DTHD1: variants seen among roughly 807,000 people sequenced by gnomAD.
DTHD1 encodes death domain-containing protein 1.
DTHD1 carries 59 observed loss-of-function variants against 74.8 expected under a neutral mutation model. The observed-to-expected ratio is 0.79, with a 90% CI of 0.64 to 0.98. The LOEUF is 0.98. Among genes scored for constraint, DTHD1 ranks in the 50% least tolerant of loss-of-function variants. DTHD1 has a pLI of 0.00. For missense variants in DTHD1, 1,051 were observed against 1,065.4 expected (o/e 0.99, Z 0.19); for synonymous variants, 365 against 371.1 (o/e 0.98, Z 0.19).
chr4:36,291,404 C>T (rs752921833), intron 3 of DTHD1, among the ~76,000 whole-genome samples: 15 of 151,994 alleles, frequency 9.9e-5, no homozygotes, highest in Non-Finnish European at 1.0e-4. Flanking sequence ...TGAAGAGAGA[C>T]GGAAGCCTAT....
At chr4:36,283,801 A>C in intron 1 of DTHD1, 175 bp from the exon 2 acceptor site, 1 of 587,770 alleles carries the variant, frequency 1.7e-6, no homozygotes. Context: ...TACAATTGTT[A>C]AAAGAGTGAC....
At chr4:36,315,803 G>A (rs1757677338) in intron 7 of DTHD1, 1 of 152,778 alleles carries the variant, frequency 6.5e-6, no homozygotes, top group South Asian at 2.1e-4. Context: ...TAATCTACAT[G>A]GTCTCTGCCT....
chr4:36,336,061 T>G (rs2109569433), intron 8 of DTHD1, among the ~76,000 whole-genome samples: 1 of 152,334 alleles, frequency 6.6e-6, no homozygotes, highest in East Asian at 1.9e-4. Flanking sequence ...GCTTATATTT[T>G]TATACTGATG....
At chr4:36,305,664 T>C (rs1459094669) in intron 5 of DTHD1, among the ~76,000 whole-genome samples, 1 of 152,200 alleles carries the variant, frequency 6.6e-6, no homozygotes, top group African/African-American at 2.4e-5. Context: ...AATTTGCCCA[T>C]GGTCATACAG....
Position 36,284,004 on chromosome 4 carries a change from A to G in DTHD1, c.300A>G (p.Ile100Met). ...KEIITFIDCL[I>M]KITEHLGSTA... ...TCATTACTTTCATAGACTGCCTCAT[A>G]AAAATAACTGAACATTTGGGGAGCA... Residue 100 changes from isoleucine to methionine, a missense_variant, in exon 2 of 10, where the codon ATA becomes ATG. Transcript: ENST00000639862. 6.5e-7 allele frequency: 1 copy of G among 1,536,604 alleles called. No homozygotes were observed. Among genetic ancestry groups the G allele is most frequent in the South Asian group, 1.2e-5 (1 of 84,022 alleles).
chr4:36,319,620 G>A (rs1211463321), intron 8 of DTHD1, among the ~76,000 whole-genome samples: 1 of 152,220 alleles, frequency 6.6e-6, no homozygotes, highest in Non-Finnish European at 1.5e-5. Flanking sequence ...TGAGATGATG[G>A]CAGACCATGC....
chr4:36,287,573 T>C (rs1312057045), intron 2 of DTHD1, among the ~76,000 whole-genome samples: 1 of 152,230 alleles, frequency 6.6e-6, no homozygotes, highest in Non-Finnish European at 1.5e-5. Context: ...CTGTTTTCCA[T>C]AATGGTTTTA....
chr4:36,308,141 G>T (rs1278920125), intron 6 of DTHD1, 63 bp from the exon 7 acceptor site: 5 of 1,423,872 alleles, frequency 3.5e-6, no homozygotes, highest in Non-Finnish European at 4.7e-6. Context: ...GGTGTTATTA[G>T]ATATCAGTGA....
intron 8 of DTHD1, among the ~76,000 whole-genome samples, chr4:36,336,048 A>C (rs2109569407): frequency 6.6e-6 from 1 of 152,308 alleles, no homozygotes; most frequent in Middle Eastern, 3.4e-3. Context: ...ACATATCTGA[A>C]TTGCTTATAT....
intron 5 of DTHD1, among the ~76,000 whole-genome samples, chr4:36,303,940 TA>T (rs1201689747): frequency 2.6e-5 from 4 of 152,206 alleles, no homozygotes; most frequent in African/African-American, 7.2e-5. Flanking sequence ...AAGTGACACA[TA>T]TTTTTTTTCA....
chr4:36,315,624 AG>A, intron 7 of DTHD1: 1 of 152,412 alleles, frequency 6.6e-6, no homozygotes, highest in South Asian at 2.1e-4. Flanking sequence ...GAAAGGAAAA[AG>A]ATAATTCTCA....
intron 7 of DTHD1, among the ~76,000 whole-genome samples, chr4:36,313,029 G>A (rs67661148): frequency 0.19 from 28,449 of 152,018 alleles, 2,923 homozygotes; most frequent in Admixed American, 0.33. Context: ...CTGAGCCAGT[G>A]GTTCTCACAG....
chr4:36,300,690 A>G (rs974128602), intron 5 of DTHD1, among the ~76,000 whole-genome samples: 2 of 152,194 alleles, frequency 1.3e-5, no homozygotes, highest in Non-Finnish European at 2.9e-5. Flanking sequence ...AATTTATGAT[A>G]TTTTAGAGTC....
rs553148810 is a variant in DTHD1, at chr4:36,281,969, T to G, written c.211T>G (p.Ser71Ala). The G allele has an allele frequency of 1.2e-4, 177 of 1,491,352 alleles. No homozygotes were observed. In the African/African-American group the frequency reaches 1.9e-3, roughly 16 times the overall value. The allele number at this position is 1,491,352 out of a possible 1,614,324, so 92.4% of individuals were successfully genotyped here. ...LLEHTSGTLR[S>A]TCQQLHVLLD... ...GGAGCACACCTCAGGCACCCTGCGTTCCACCTGCCAGCAGCTGCATGTGCT... is the reference window on the plus strand; with the variant it reads ...GGAGCACACCTCAGGCACCCTGCGTGCCACCTGCCAGCAGCTGCATGTGCT... Residue 71 changes from serine (S) to alanine (A), a missense_variant, in exon 1 of 10, where the codon TCC (serine) becomes GCC (alanine). Physicochemically the swap from Ser to Ala is moderately conservative, Grantham distance 99. Coordinates refer to ENST00000639862, the MANE Select transcript of DTHD1 (RefSeq NM_001170700.3).
intron 8 of DTHD1, among the ~76,000 whole-genome samples, chr4:36,320,494 C>T (rs566707292): frequency 2.0e-5 from 3 of 152,316 alleles, no homozygotes; most frequent in South Asian, 2.1e-4. Context: ...TAAACTTCTG[C>T]TGTCTTTCAT....
chr4:36,333,458 A>G (rs1289871394), intron 8 of DTHD1: 1 of 152,180 alleles, frequency 6.6e-6, no homozygotes, highest in African/African-American at 2.4e-5. Context: ...GTAGGAAGCC[A>G]CTTCCTTTAT....
chr4:36,294,598 G>A (rs1350407340), intron 4 of DTHD1, among the ~76,000 whole-genome samples, 197 bp from the exon 5 acceptor site: 2 of 151,800 alleles, frequency 1.3e-5, no homozygotes. Context: ...GAAGGACTTT[G>A]TAAAAAGGGC....
At chr4:36,308,544 C>A (rs1757195782) in intron 7 of DTHD1, 51 bp downstream of exon 7, 2 of 1,430,558 alleles carry the variant, frequency 1.4e-6, no homozygotes, top group Non-Finnish European at 1.9e-6. Flanking sequence ...AAGCCACAAG[C>A]TCTTCAGAAG....
rs142610349 is a variant in DTHD1 at position 36,331,120 on chromosome 4, A to T, written c.2341-7992A>T. ...ATGTCTGTGTAGGATTTTTCTGATA[A>T]ATAAATCTTTTATTTTGTTACTAAA... On this transcript the variant is annotated intron_variant, in intron 8 of 9. Transcript: ENST00000639862. 1.4e-4 allele frequency among the ~76,000 whole-genome samples: 22 copies of T among 152,252 alleles called. No homozygotes were observed. In the East Asian group the frequency reaches 4.2e-3, roughly 29 times the overall value.
Sources: allele counts gnomAD v4.1 joint callset (sites outside exome capture counted in the v4.1 genomes callset), GRCh38; gene constraint gnomAD v4.1.1; transcripts MANE v1.5; gene names NCBI Gene and HGNC (gene_info 2026-07-23, HGNC 2026-07-21).